Variants in FRS2 observed in about 807,000 individuals in gnomAD.
The protein encoded by FRS2 is FGFR signalling adaptor.
In FRS2, 8 loss-of-function variants were observed where a neutral mutation model predicts 43.9. The ratio of observed to expected loss-of-function variants is 0.18; its 90% CI spans 0.11 to 0.33. FRS2 has a LOEUF of 0.33. Ranked by LOEUF, FRS2 falls within the 10% of genes least tolerant of loss-of-function variation. The probability of loss-of-function intolerance (pLI) is 1.00; values close to 1 mark genes in which losing one functional copy is unlikely to be tolerated. For synonymous variants in FRS2, 219 were observed against 220.3 expected, an observed-to-expected ratio of 0.99 and a Z score of 0.05; for missense variants, 534 against 627.6, an observed-to-expected ratio of 0.85 and a Z score of 1.59.
At chr12:69,542,859 CCAGGCT>C (rs1481532706) in intron 3 of FRS2, among the ~76,000 whole-genome samples, 2 of 152,222 alleles carry the variant, frequency 1.3e-5, no homozygotes, top group Middle Eastern at 3.4e-3. Flanking sequence ...TCACCTTCAC[CCAGGCT>C]CATCCCAGGA....
At chr12:69,474,090 C>A (rs543017243) in intron 1 of FRS2, among the ~76,000 whole-genome samples, 2 of 152,126 alleles carry the variant, frequency 1.3e-5, no homozygotes, top group Non-Finnish European at 2.9e-5. Context: ...ATCCGCCTGC[C>A]TCAGCCTCCC....
At position 69,479,891 on chromosome 12, in the gene FRS2, A is replaced by G. The variant is rs561890971; in HGVS notation, c.-261+9361A>G. ...GCCTTTTTCTTAAATTTTGTCTTCC[A>G]TATTTTCTGTTTGGAACTTGTATTT... On this transcript the variant is annotated intron_variant, in intron 1 of 8. Transcript: ENST00000549921. Among the ~76,000 whole-genome samples the G allele has an allele frequency of 5.7e-4, 87 of 152,136 alleles. 1 individual carries two copies. The highest frequency in any genetic ancestry group is 3.4e-3 in the Middle Eastern group (1 of 294).
At chr12:69,528,546 AGTT>A (rs1353918926) in intron 1 of FRS2, among the ~76,000 whole-genome samples, 3 of 152,254 alleles carry the variant, frequency 2.0e-5, no homozygotes, top group African/African-American at 7.2e-5. Flanking sequence ...ACAAAACAAC[AGTT>A]TAAGAAAACC....
intron 1 of FRS2, 61 bp downstream of exon 1, chr12:69,470,591 G>C (rs1030821350): frequency 4.0e-5 from 16 of 397,816 alleles, no homozygotes; most frequent in Non-Finnish European, 7.1e-5. Context: ...TGGCGTTCTC[G>C]TGCCCCCGCT....
intron 1 of FRS2, among the ~76,000 whole-genome samples, chr12:69,502,640 A>G (rs1208218211): frequency 6.6e-6 from 1 of 152,216 alleles, no homozygotes; most frequent in Non-Finnish European, 1.5e-5. Flanking sequence ...CAGGAGACAT[A>G]ATCTCTGTAC....
intron 1 of FRS2, among the ~76,000 whole-genome samples, chr12:69,506,331 G>A (rs899040782): frequency 6.6e-5 from 10 of 151,898 alleles, no homozygotes; most frequent in African/African-American, 2.4e-4. Flanking sequence ...TTTTAATTGG[G>A]TCCTGTAATA....
chr12:69,498,519 TTGTGTGTGTGTG>T (rs71094717), intron 1 of FRS2, among the ~76,000 whole-genome samples: 2 of 141,594 alleles, frequency 1.4e-5, no homozygotes, highest in East Asian at 2.1e-4. Flanking sequence ...TTATGAGGGT[TTGTGTGTGTGTG>T]TGTGTGTGTG....
intron 1 of FRS2, among the ~76,000 whole-genome samples, chr12:69,508,318 GAGAA>G (rs1460723583): frequency 6.6e-6 from 1 of 152,140 alleles, no homozygotes; most frequent in African/African-American, 2.4e-5. Context: ...TATTCTTAGG[GAGAA>G]AGAGAGAAAA....
At chr12:69,518,060 G>A (rs1220861105) in intron 1 of FRS2, among the ~76,000 whole-genome samples, 3 of 152,032 alleles carry the variant, frequency 2.0e-5, no homozygotes, top group African/African-American at 7.2e-5. Context: ...AATTCATTTG[G>A]CTTATCTTAA....
At chr12:69,475,973 T>C (rs1870728012) in intron 1 of FRS2, among the ~76,000 whole-genome samples, 1 of 152,178 alleles carries the variant, frequency 6.6e-6, no homozygotes, top group African/African-American at 2.4e-5. Context: ...GTAGTTTTTG[T>C]TTTTGTTTTT....
At chr12:69,524,476 C>T (rs1041946786) in intron 1 of FRS2, among the ~76,000 whole-genome samples, 1 of 152,016 alleles carries the variant, frequency 6.6e-6, no homozygotes, top group East Asian at 1.9e-4. Context: ...CAGGCATGGC[C>T]TGCCAGTGCA....
chr12:69,472,069 T>G (rs921574909), intron 1 of FRS2, among the ~76,000 whole-genome samples: 1 of 152,144 alleles, frequency 6.6e-6, no homozygotes, highest in African/African-American at 2.4e-5. Context: ...ACAACTTTTC[T>G]TTTTCCTCTT....
At chr12:69,524,417 C>T (rs1035273880) in intron 1 of FRS2, among the ~76,000 whole-genome samples, 25 of 152,058 alleles carry the variant, frequency 1.6e-4, no homozygotes, top group African/African-American at 6.0e-4. Context: ...AGGGCACAGG[C>T]AGCCTGGTGT....
At chr12:69,514,513 A>G (rs959664995) in intron 1 of FRS2, among the ~76,000 whole-genome samples, 3 of 152,176 alleles carry the variant, frequency 2.0e-5, no homozygotes, top group African/African-American at 7.2e-5. Context: ...GACATGTGGG[A>G]AAGTGTTTAA....
intron 1 of FRS2, among the ~76,000 whole-genome samples, chr12:69,526,924 C>T (rs983339912): frequency 4.6e-5 from 7 of 152,068 alleles, no homozygotes; most frequent in Non-Finnish European, 8.8e-5. Context: ...AGGGTTTCAC[C>T]ATGTTATCCA....
intron 1 of FRS2, among the ~76,000 whole-genome samples, chr12:69,512,282 A>G (rs1284122700): frequency 6.6e-6 from 1 of 152,174 alleles, no homozygotes; most frequent in African/African-American, 2.4e-5. Flanking sequence ...TTCATAGCAT[A>G]AATTACTCTT....
intron 6 of FRS2, 55 bp from the exon 7 acceptor site, chr12:69,571,221 A>G (rs1271781758): frequency 2.5e-6 from 3 of 1,186,962 alleles, no homozygotes; most frequent in East Asian, 2.4e-5. Flanking sequence ...AAGTGTTCCT[A>G]TAGTTTTTTT....
Position 69,574,259 on chromosome 12 carries a change from T to G in FRS2, c.831T>G (p.Ser277Arg), listed in dbSNP as rs1593079342. ...AGCAACTTGGAAGAGATCAAGTTAG[T>G]GGAAGTGGAGCAAATAACACAGAAT... ...KLEQLGRDQVSGSGANNTEWD... is the reference protein window; with the variant it reads ...KLEQLGRDQVRGSGANNTEWD... Residue 277 changes from serine to arginine, a missense_variant, in exon 9 of 9, where the codon AGT becomes AGG. Ser to Arg is a moderately radical substitution (Grantham distance 110). Coordinates refer to ENST00000549921, the MANE Select transcript of FRS2 (RefSeq NM_001278356.2). 1 of 1,614,098 alleles carries G rather than the reference T, an allele frequency of 6.2e-7. No homozygotes were observed. Among genetic ancestry groups the G allele is most frequent in the East Asian group, 2.2e-5 (1 of 44,878 alleles).
chr12:69,524,681 T>A (rs926270010), intron 1 of FRS2, among the ~76,000 whole-genome samples: 1 of 152,138 alleles, frequency 6.6e-6, no homozygotes, highest in Non-Finnish European at 1.5e-5. Context: ...TGGGGGCAGG[T>A]CAATTCTAGG....
Sources: allele counts gnomAD v4.1 joint callset (sites outside exome capture counted in the v4.1 genomes callset), GRCh38; gene constraint gnomAD v4.1.1; transcripts MANE v1.5; gene names NCBI Gene and HGNC (gene_info 2026-07-23, HGNC 2026-07-21).